NOS1: variants seen among roughly 807,000 people sequenced by gnomAD.
NOS1 encodes nitric oxide synthase 1, also known as NOS type I.
NOS1 carries 51 observed loss-of-function variants against 164.5 expected under a neutral mutation model. That is an observed-to-expected ratio of 0.31 (90% CI 0.25 to 0.39). The LOEUF is 0.39. Among genes scored for constraint, NOS1 ranks in the 10% least tolerant of loss-of-function variants. The pLI, the probability that NOS1 is intolerant of heterozygous loss-of-function variation, is 1.00. For synonymous variants in NOS1, 719 were observed against 745.8 expected (o/e 0.96, Z 0.59); for missense variants, 1,362 against 1,885.6 (o/e 0.72, Z 5.14).
chr12:117,278,123 T>A (rs1873333606), intron 8 of NOS1, 25 bp from the exon 9 acceptor site: 5 of 1,601,902 alleles, frequency 3.1e-6, no homozygotes, highest in Non-Finnish European at 3.4e-6. Flanking sequence ...GGCCAGGTAA[T>A]GCCACTGTAC....
At chr12:117,222,414 C>T (rs1956721852) in intron 26 of NOS1, among the ~76,000 whole-genome samples, 1 of 152,108 alleles carries the variant, frequency 6.6e-6, no homozygotes, top group Admixed American at 6.6e-5. Flanking sequence ...CACCACCATG[C>T]CTGGCTAATT....
intron 1 of NOS1, among the ~76,000 whole-genome samples, chr12:117,351,109 G>A (rs367677310): frequency 2.6e-5 from 4 of 152,094 alleles, no homozygotes; most frequent in African/African-American, 7.2e-5. Context: ...GCAAGACTCC[G>A]TCTCAAAAGA....
chr12:117,268,414 T>A (rs1030558579), intron 10 of NOS1, among the ~76,000 whole-genome samples: 4 of 151,662 alleles, frequency 2.6e-5, no homozygotes, highest in African/African-American at 9.7e-5. Context: ...GTATTTTTAG[T>A]AGAGACGGGG....
Position 117,210,493 on chromosome 12 carries a change from A to T in NOS1, c.*4816T>A. On this transcript the variant is annotated 3_prime_UTR_variant, in exon 29 of 29. Transcript: ENST00000317775. ...GGGTATGTGGGGCAGCGGGTAGGGA[A>T]ATATACAAGGAAACATGGCTGGTTT... 2 of 985,424 alleles carry T rather than the reference A, an allele frequency of 2.0e-6. No individual in the cohort carries two copies. The highest frequency in any genetic ancestry group is 2.4e-6 in the Non-Finnish European group (2 of 829,972). The allele number at this position is 985,424 out of a possible 1,614,324, so 61.0% of individuals were successfully genotyped here. A position where few individuals can be genotyped will look rare whatever the true frequency, so the allele number is the denominator to read the frequency against.
chr12:117,215,547 T>C (rs189162147), intron 28 of NOS1, among the ~76,000 whole-genome samples: 1 of 152,062 alleles, frequency 6.6e-6, no homozygotes, highest in East Asian at 1.9e-4. Flanking sequence ...ATTCTCCTGC[T>C]TTAGCCTCCC....
rs1303886358 is a variant in NOS1 at position 117,286,293 on chromosome 12, A to T, written c.1128-27T>A. On this transcript the variant is annotated intron_variant, in intron 5 of 28. Coordinates refer to ENST00000317775, the MANE Select transcript of NOS1 (RefSeq NM_000620.5). ...TGAGTGAAGAGGAAGGGACATGGGAACATCACCCCCTCTTCTGAATTAGAA... is the reference window on the plus strand; with the variant it reads ...TGAGTGAAGAGGAAGGGACATGGGATCATCACCCCCTCTTCTGAATTAGAA... 1.9e-6 allele frequency: 3 copies of T among 1,612,406 alleles called. No homozygotes were observed. In the African/African-American group the frequency reaches 4.0e-5, roughly 21 times the overall value.
chr12:117,244,355 C>T (rs1870450465), intron 18 of NOS1, among the ~76,000 whole-genome samples: 1 of 152,168 alleles, frequency 6.6e-6, no homozygotes, highest in Non-Finnish European at 1.5e-5. Context: ...TCAAGTTATT[C>T]TCATGCCTCA....
chr12:117,247,549 T>C (rs1463818785), intron 17 of NOS1, 27 bp from the exon 18 acceptor site: 1 of 1,591,792 alleles, frequency 6.3e-7, no homozygotes, highest in Non-Finnish European at 8.6e-7. Context: ...AGAATGTTCA[T>C]GCTAAGGGAC....
At chr12:117,319,149 T>C (rs1874796706) in intron 2 of NOS1, among the ~76,000 whole-genome samples, 1 of 152,212 alleles carries the variant, frequency 6.6e-6, no homozygotes, top group Non-Finnish European at 1.5e-5. Context: ...ACTTCTGGGC[T>C]CAAGTGATCC....
At position 117,290,401 on chromosome 12, in the gene NOS1, G is replaced by A. The variant is rs200423967; in HGVS notation, c.878C>T (p.Pro293Leu). 8.7e-6 allele frequency: 14 copies of A among 1,613,542 alleles called. No individual in the cohort carries two copies. Among genetic ancestry groups the A allele is most frequent in the Non-Finnish European group, 1.2e-5 (14 of 1,179,720 alleles). ...EQPPTSGKQS[P>L]TKNGSPSKCP... Reference sequence around the variant, plus strand: ...CTTGGAGGGGCTGCCATTCTTTGTGGGGGACTGTTTTCCTGAGGTGGGGGG... The same window carrying A: ...CTTGGAGGGGCTGCCATTCTTTGTGAGGGACTGTTTTCCTGAGGTGGGGGG... The change falls in exon 4 of 29, where the codon CCC becomes CTC. Residue 293 changes from proline to leucine, a missense_variant. Transcript: ENST00000317775.
At chr12:117,312,952 CCATCATGATTATTGTAATCATCAT>C (rs1345888882) in intron 2 of NOS1, among the ~76,000 whole-genome samples, 2 of 152,110 alleles carry the variant, frequency 1.3e-5, no homozygotes, top group Non-Finnish European at 2.9e-5. Context: ...CTCATTGTTA[CCATCATGATTATTGTAATCATCAT>C]CATCTAACTT....
intron 4 of NOS1, among the ~76,000 whole-genome samples, chr12:117,289,027 A>T (rs1182459797): frequency 6.6e-6 from 1 of 152,194 alleles, no homozygotes; most frequent in Non-Finnish European, 1.5e-5. Context: ...AATAATACAT[A>T]GTTTTAATAG....
chr12:117,253,554 C>T (rs765149059), intron 17 of NOS1, 84 bp downstream of exon 17: 61 of 907,190 alleles, frequency 6.7e-5, no homozygotes, highest in East Asian at 7.2e-5. Context: ...CTCTCCACAA[C>T]GAAGCGCTCA....
chr12:117,227,785 G>A, intron 22 of NOS1, 144 bp from the exon 23 acceptor site: 1 of 761,816 alleles, frequency 1.3e-6, no homozygotes, highest in South Asian at 1.5e-5. Context: ...GCAGTGCTTT[G>A]GGGGGCCGGG....
In NOS1 at chr12:117,210,571, G is replaced by A; in HGVS notation, c.*4738C>T. 1 of 985,520 alleles carries A rather than the reference G, an allele frequency of 1.0e-6. No individual in the cohort carries two copies. Among genetic ancestry groups the A allele is most frequent in the South Asian group, 4.7e-5 (1 of 21,292 alleles). 61.0% of individuals were successfully genotyped at this position (985,520 alleles called of 1,614,324 possible). ...TCCTAATGGCAAGAATGAAAAGGCT[G>A]CATTAGGCGCTGGTGCTGTCGGAGT... On this transcript the variant is annotated 3_prime_UTR_variant, in exon 29 of 29. Coordinates refer to ENST00000317775, the MANE Select transcript of NOS1 (RefSeq NM_000620.5).
intron 1 of NOS1, among the ~76,000 whole-genome samples, chr12:117,338,711 A>T (rs953551528): frequency 6.6e-6 from 1 of 152,228 alleles, no homozygotes; most frequent in Admixed American, 6.5e-5. Context: ...ATGAACTCCA[A>T]GGTATACCAT....
rs9658275 is a variant in NOS1 at position 117,330,872 on chromosome 12, C to T, written c.198G>A (p.Ala66=). Residue 66 remains alanine (A), a synonymous_variant, in exon 2 of 29, where the codon GCG becomes GCA. Coordinates refer to ENST00000317775, the MANE Select transcript of NOS1 (RefSeq NM_000620.5). The surrounding 1 kb of genome is among the most constrained non-coding windows in gnomAD (Gnocchi z 4.6). The part of the protein sequence containing the change: ...GLIQAGDIIL[A]VNGRPLVDLS... ...GGTCCACCAAGGGCCGGCCGTTGAC[C>T]GCAAGAATGATGTCTCCGGCCTGGA... is the stretch of plus-strand genomic sequence containing the variant. 21 of 1,614,116 alleles carry T rather than the reference C, an allele frequency of 1.3e-5. No individual in the cohort carries two copies. Among genetic ancestry groups the T allele is most frequent in the African/African-American group, 8.0e-5 (6 of 75,054 alleles).
Position 117,210,160 on chromosome 12 carries a change from T to C in NOS1, c.*5149A>G, listed in dbSNP as rs921928764. The stretch of plus-strand genomic sequence containing the variant: ...GCTAATTTTTTTTTTTTTTTTTTTT[T>C]AGTAGAGACGAGATTGCGCTGTGTT... On this transcript the variant is annotated 3_prime_UTR_variant, in exon 29 of 29. Coordinates refer to ENST00000317775, the MANE Select transcript of NOS1 (RefSeq NM_000620.5). The C allele has an allele frequency of 9.8e-6, 4 of 408,736 alleles. No homozygotes were observed. The African/African-American group carries it at 1.2e-4, about 13-fold the overall frequency. 25.3% of individuals were successfully genotyped at this position (408,736 alleles called of 1,614,324 possible). A position where few individuals can be genotyped will look rare whatever the true frequency, so the allele number is the denominator to read the frequency against.
chr12:117,325,487 T>C (rs1179677249), intron 2 of NOS1, among the ~76,000 whole-genome samples: 3 of 151,894 alleles, frequency 2.0e-5, no homozygotes, highest in Non-Finnish European at 4.4e-5. Context: ...GCATTAGGGG[T>C]GGTGGTCCTC....
Sources: allele counts gnomAD v4.1 joint callset (sites outside exome capture counted in the v4.1 genomes callset), GRCh38; gene constraint gnomAD v4.1.1; non-coding constraint Gnocchi (gnomAD v3.1); transcripts MANE v1.5; gene names NCBI Gene and HGNC (gene_info 2026-07-23, HGNC 2026-07-21).